UNC5D: variants seen among roughly 807,000 people sequenced by gnomAD.
UNC5D encodes netrin receptor UNC5D.
Under a neutral mutation model 105.4 loss-of-function variants are expected in UNC5D, and 39 were observed. The observed-to-expected ratio is 0.37, with a 90% confidence interval of 0.29 to 0.48. UNC5D has a LOEUF of 0.48. UNC5D is among the 20% of genes least tolerant of loss of function. The pLI is 0.98. For missense variants in UNC5D, 991 were observed against 1,202.4 expected (o/e 0.82, Z 2.60); for synonymous variants, 452 against 450.4 (o/e 1.00, Z -0.04).
chr8:35,659,969 T>G (rs184081704), intron 4 of UNC5D, among the ~76,000 whole-genome samples: 189 of 152,304 alleles, frequency 1.2e-3, no homozygotes, highest in African/African-American at 4.3e-3. Flanking sequence ...GAAAACCATT[T>G]AAGGGATATG....
At chr8:35,603,010 G>A (rs938285287) in intron 4 of UNC5D, among the ~76,000 whole-genome samples, 27 of 151,840 alleles carry the variant, frequency 1.8e-4, no homozygotes, top group African/African-American at 6.5e-4. Context: ...TGGATTCATT[G>A]ATTTTTTTGA....
At chr8:35,476,653 C>G (rs989746272) in intron 1 of UNC5D, among the ~76,000 whole-genome samples, 1 of 152,092 alleles carries the variant, frequency 6.6e-6, no homozygotes, top group Non-Finnish European at 1.5e-5. Flanking sequence ...AGTTTTCCTC[C>G]TTTATCTCGT....
At chr8:35,375,928 A>G (rs150041476) in intron 1 of UNC5D, among the ~76,000 whole-genome samples, 8 of 152,264 alleles carry the variant, frequency 5.3e-5, no homozygotes, top group African/African-American at 1.4e-4. Flanking sequence ...CAGATATTCT[A>G]CCTCTTTATA....
chr8:35,731,071 A>G lies in UNC5D; in HGVS notation c.1741A>G (p.Met581Val). 1 of 1,613,902 alleles carries G rather than the reference A, an allele frequency of 6.2e-7. No homozygotes were observed. Among genetic ancestry groups the G allele is most frequent in the Non-Finnish European group, 8.5e-7 (1 of 1,179,876 alleles). ...IPEENSWEIY[M>V]SINQGEPSLQ... ...AGAGGAGAATTCTTGGGAGATTTAT[A>G]TGTCCATCAACCAAGGTGAACCCAG... Residue 581 changes from methionine to valine, a missense_variant, in exon 11 of 17, where the codon ATG (methionine) becomes GTG (valine). By Grantham distance (21) the Met-to-Val change is conservative. Coordinates refer to ENST00000404895, the MANE Select transcript of UNC5D (RefSeq NM_080872.4).
intron 1 of UNC5D, among the ~76,000 whole-genome samples, chr8:35,470,361 T>C (rs578164369): frequency 2.7e-4 from 41 of 152,174 alleles, no homozygotes; most frequent in African/African-American, 8.9e-4. Context: ...CTTCTGCAGG[T>C]CATGACACCT....
At chr8:35,278,886 C>T (rs1304986433) in intron 1 of UNC5D, among the ~76,000 whole-genome samples, 2 of 152,100 alleles carry the variant, frequency 1.3e-5, no homozygotes, top group Non-Finnish European at 2.9e-5. Flanking sequence ...CCTCATTTTC[C>T]CACCTCTCTG....
intron 12 of UNC5D, among the ~76,000 whole-genome samples, chr8:35,749,039 T>G (rs1830134421): frequency 2.6e-5 from 4 of 152,044 alleles, no homozygotes. Context: ...CTCTGTGGAG[T>G]TAGGGAGGAG....
At chr8:35,759,273 GC>G in intron 13 of UNC5D, 46 bp from the exon 14 acceptor site, 1 of 1,595,896 alleles carries the variant, frequency 6.3e-7, no homozygotes, top group Non-Finnish European at 8.6e-7. Context: ...TATGTAAGTA[GC>G]AGGATATTTC....
At chr8:35,416,400 A>T (rs1261268095) in intron 1 of UNC5D, among the ~76,000 whole-genome samples, 1 of 152,142 alleles carries the variant, frequency 6.6e-6, no homozygotes. Context: ...TTTTTTCTTT[A>T]TACTTAAAAA....
At chr8:35,767,694 G>A (rs930901789) in intron 15 of UNC5D, among the ~76,000 whole-genome samples, 2 of 152,198 alleles carry the variant, frequency 1.3e-5, no homozygotes, top group African/African-American at 2.4e-5. Flanking sequence ...TGCAAAGAGA[G>A]AAAGGACTTT....
intron 4 of UNC5D, among the ~76,000 whole-genome samples, chr8:35,675,742 C>G (rs1436866855): frequency 6.6e-6 from 1 of 151,886 alleles, no homozygotes; most frequent in Non-Finnish European, 1.5e-5. Context: ...GCAGCTTTCT[C>G]CTCTTTCTAG....
chr8:35,696,972 G>C (rs1454908598), intron 7 of UNC5D, among the ~76,000 whole-genome samples: 3 of 152,022 alleles, frequency 2.0e-5, no homozygotes, highest in Non-Finnish European at 2.9e-5. Flanking sequence ...GGAGTCCTAG[G>C]TCCCAGTTCA....
At chr8:35,413,542 G>A (rs569915943) in intron 1 of UNC5D, among the ~76,000 whole-genome samples, 29 of 151,272 alleles carry the variant, frequency 1.9e-4, no homozygotes, top group Non-Finnish European at 3.8e-4. Context: ...TTATTAAAGG[G>A]GATGATGATG....
chr8:35,417,239 C>A (rs892534848), intron 1 of UNC5D, among the ~76,000 whole-genome samples: 25 of 152,104 alleles, frequency 1.6e-4, no homozygotes, highest in Admixed American at 1.4e-3. Flanking sequence ...CATCCCCACC[C>A]CACTACCCTT....
intron 1 of UNC5D, among the ~76,000 whole-genome samples, chr8:35,459,663 A>G (rs529799406): frequency 1.3e-5 from 2 of 152,332 alleles, no homozygotes; most frequent in East Asian, 3.9e-4. Context: ...TGCATTATTC[A>G]TCAGATTAGG....
chr8:35,252,677 T>TCA, intron 1 of UNC5D, among the ~76,000 whole-genome samples: 1 of 152,176 alleles, frequency 6.6e-6, no homozygotes, highest in Non-Finnish European at 1.5e-5. Context: ...AAAATTTGGG[T>TCA]GATTATCAGA....
intron 1 of UNC5D, among the ~76,000 whole-genome samples, chr8:35,370,341 G>C (rs1190332454): frequency 2.6e-5 from 4 of 152,176 alleles, no homozygotes; most frequent in African/African-American, 9.7e-5. Context: ...TTGAACCACA[G>C]TTGGATCTGT....
At chr8:35,352,677 A>G (rs1240759450) in intron 1 of UNC5D, among the ~76,000 whole-genome samples, 2 of 152,100 alleles carry the variant, frequency 1.3e-5, no homozygotes, top group African/African-American at 4.8e-5. Flanking sequence ...CAGTAGCACA[A>G]TCTCGGCTCA....
chr8:35,689,682 C>T (rs1826256948), intron 7 of UNC5D, among the ~76,000 whole-genome samples: 2 of 152,182 alleles, frequency 1.3e-5, no homozygotes, highest in African/African-American at 2.4e-5. Context: ...CAAGAAGGAG[C>T]ATTCTCTCTT....
Sources: gnomAD v4.1 joint callset for allele counts (sites outside exome capture counted in the v4.1 genomes callset) on GRCh38, gnomAD v4.1.1 for gene constraint, MANE v1.5 for transcripts, NCBI Gene and HGNC (gene_info 2026-07-23, HGNC 2026-07-21) for gene names.